The following IL10RA variants were observed in gnomAD, a reference collection of about 807,000 sequenced individuals.
IL10RA encodes the protein interleukin-10 receptor subunit alpha.
IL10RA carries 18 observed loss-of-function variants against 29.6 expected under a neutral mutation model. The observed-to-expected ratio is 0.61, with a 90% CI of 0.42 to 0.90. The LOEUF (loss-of-function observed/expected upper bound fraction) is 0.90, where lower values mean the gene tolerates loss of function less well. Ranked by LOEUF, IL10RA falls within the 40% of genes least tolerant of loss-of-function variation. The pLI, the probability that IL10RA is intolerant of heterozygous loss-of-function variation, is 0.00. For synonymous variants in IL10RA, 292 were observed against 294.1 expected (o/e 0.99, Z 0.07); for missense variants, 634 against 716.6 (o/e 0.88, Z 1.32).
rs2058051810 is a variant in IL10RA at position 117,995,702 on chromosome 11, A to C, written c.802A>C (p.Ser268Arg). The change falls in exon 6 of 7, where the codon AGT (serine) becomes CGT (arginine). Residue 268 changes from serine to arginine, a missense_variant. By Grantham distance (110) the Ser-to-Arg change is moderately radical (BLOSUM62 -1). Transcript: ENST00000227752. ...LYVRRRKKLP[S>R]VLLFKKPSPF... Reference sequence around the variant, plus strand: ...TGTGCGGCGCCGAAAGAAGCTACCCAGTGTCCTGGTGAGTCTTGCAAGGAG... The same window carrying C: ...TGTGCGGCGCCGAAAGAAGCTACCCCGTGTCCTGGTGAGTCTTGCAAGGAG... 1 of 1,613,368 alleles carries C rather than the reference A, an allele frequency of 6.2e-7. No homozygotes were observed.
rs4252291 is a variant in IL10RA, at chr11:117,999,748, T to C, written c.*107T>C. 56 of 1,030,452 alleles carry C rather than the reference T, an allele frequency of 5.4e-5. No homozygotes were observed. Among genetic ancestry groups the C allele is most frequent in the African/African-American group, 5.0e-4 (32 of 63,736 alleles). The allele number at this position is 1,030,452 out of a possible 1,614,324, so 63.8% of individuals were successfully genotyped here. A position where few individuals can be genotyped will look rare whatever the true frequency, so the allele number is the denominator to read the frequency against. On this transcript the variant is annotated 3_prime_UTR_variant, in exon 7 of 7. Transcript: ENST00000227752. ...TAGGCACGAGGCAGTCTGGGCACTT[T>C]TCTGCAAGTCCACTGGGGCTGGCCC...
At chr11:117,995,269 A>G (rs2058048390) in intron 5 of IL10RA, 2 of 402,028 alleles carry the variant, frequency 5.0e-6, no homozygotes, top group Admixed American at 3.6e-5. Context: ...ACCCAGATCT[A>G]GCAGCCCCCG....
At chr11:117,990,238 C>T (rs982047493) in intron 3 of IL10RA, among the ~76,000 whole-genome samples, 2 of 152,164 alleles carry the variant, frequency 1.3e-5, no homozygotes, top group African/African-American at 4.8e-5. Flanking sequence ...CCACAGGCCA[C>T]TGCTCAGCTG....
downstream of IL10RA, chr11:118,002,812 G>C (rs1227323918): frequency 6.6e-6 from 1 of 152,240 alleles, no homozygotes; most frequent in Non-Finnish European, 1.5e-5. Context: ...CGGGGCTGAT[G>C]AGACACTTGC....
Position 118,000,923 on chromosome 11 carries a change from T to C in IL10RA, c.*1282T>C, listed in dbSNP as rs1039059986. Reference sequence around the variant, plus strand: ...TGGGCCCTGCCTCCCCATAGGCCATTTGGACTCTGCCTTCAAACAAAGGCA... The same window carrying C: ...TGGGCCCTGCCTCCCCATAGGCCATCTGGACTCTGCCTTCAAACAAAGGCA... On this transcript the variant is annotated 3_prime_UTR_variant, in exon 7 of 7. Coordinates refer to ENST00000227752, the MANE Select transcript of IL10RA (RefSeq NM_001558.4). 4.4e-6 allele frequency: 2 copies of C among 454,112 alleles called. No individual in the cohort carries two copies. The highest frequency in any genetic ancestry group is 1.6e-5 in the South Asian group (1 of 64,484). The allele number at this position is 454,112 out of a possible 1,614,324, so 28.1% of individuals were successfully genotyped here.
At chr11:117,988,264 C>T (rs779573723) in intron 1 of IL10RA, 118 bp from the exon 2 acceptor site, 87 of 1,301,020 alleles carry the variant, frequency 6.7e-5, no homozygotes, top group South Asian at 3.0e-4. Context: ...CCCTTACGGG[C>T]TCCGCTGGCC....
chr11:117,989,685 A>G lies in IL10RA; in HGVS notation c.367+65A>G, dbSNP rs2058009929. The stretch of plus-strand genomic sequence containing the variant: ...CCCTTCCAGCCAGGAACTCTAGTCT[A>G]GAGCTTTTCTGTCTATTACCATAGC... On this transcript the variant is annotated intron_variant, in intron 3 of 6. Transcript: ENST00000227752. The surrounding 1 kb of genome is among the most constrained non-coding windows in gnomAD (Gnocchi z 4.5). 4.6e-6 allele frequency: 7 copies of G among 1,517,502 alleles called. No individual in the cohort carries two copies. The highest frequency in any genetic ancestry group is 1.1e-5 in the South Asian group (1 of 87,016). 94.0% of individuals were successfully genotyped at this position (1,517,502 alleles called of 1,614,324 possible).
intron 1 of IL10RA, 85 bp downstream of exon 1, chr11:117,986,619 G>A: frequency 3.2e-6 from 5 of 1,543,228 alleles, no homozygotes; most frequent in Non-Finnish European, 3.5e-6. Context: ...GAGAGCCCTG[G>A]CTGGCTGGCC....
intron 5 of IL10RA, 47 bp downstream of exon 5, chr11:117,994,196 G>A: frequency 6.3e-7 from 1 of 1,591,280 alleles, no homozygotes. Context: ...GACTGGGAGG[G>A]CCTGGTGCAA....
At chr11:118,002,860 AG>A, downstream of IL10RA, 1 of 152,234 alleles carries the variant, frequency 6.6e-6, no homozygotes. Context: ...CCCCAACAGA[AG>A]GCCCCAGCTG....
At chr11:117,994,330 G>C in intron 5 of IL10RA, 181 bp downstream of exon 5, 1 of 605,004 alleles carries the variant, frequency 1.7e-6, no homozygotes, top group Non-Finnish European at 2.9e-6. Flanking sequence ...GGGAACTGAG[G>C]CTCAGTATTA....
rs759457965 is a variant in IL10RA, at chr11:117,999,981, G to T, written c.*340G>T. Reference sequence around the variant, plus strand: ...ATTATTTGCTCAGGGGAACCATGGGGCTTTCTGGAGTTGTGGTGAGGCCAC... The same window carrying T: ...ATTATTTGCTCAGGGGAACCATGGGTCTTTCTGGAGTTGTGGTGAGGCCAC... On this transcript the variant is annotated 3_prime_UTR_variant, in exon 7 of 7. Transcript: ENST00000227752. The T allele has an allele frequency of 2.0e-5, 10 of 490,040 alleles. No individual in the cohort carries two copies. The highest frequency in any genetic ancestry group is 3.6e-5 in the Non-Finnish European group (9 of 251,222). 30.4% of individuals were successfully genotyped at this position (490,040 alleles called of 1,614,324 possible).
Position 117,999,724 on chromosome 11 carries a change from A to T in IL10RA, c.*83A>T, listed in dbSNP as rs1452382976. ...GAGGAGGGCCCCTGGGGCAGAAGTT[A>T]GGCACGAGGCAGTCTGGGCACTTTT... On this transcript the variant is annotated 3_prime_UTR_variant, in exon 7 of 7. Coordinates refer to ENST00000227752, the MANE Select transcript of IL10RA (RefSeq NM_001558.4). The T allele has an allele frequency of 7.9e-7, 1 of 1,269,044 alleles. No homozygotes were observed. 78.6% of individuals were successfully genotyped at this position (1,269,044 alleles called of 1,614,324 possible).
intron 1 of IL10RA, chr11:117,987,511 C>T (rs1565370274): frequency 6.5e-6 from 1 of 154,478 alleles, no homozygotes; most frequent in Admixed American, 6.4e-5. Context: ...ATGGAGAGAA[C>T]TTAGAGGATC....
chr11:117,986,845 G>A (rs1591260192), intron 1 of IL10RA: 1 of 1,459,492 alleles, frequency 6.9e-7, no homozygotes, highest in Non-Finnish European at 9.1e-7. Flanking sequence ...TTGCTGTTTA[G>A]GTTCAAATGA....
chr11:117,992,877 G>A lies in IL10RA; in HGVS notation c.368-364G>A. The A allele has an allele frequency of 1.4e-5, 4 of 276,748 alleles. No homozygotes were observed. The South Asian group carries it at 1.5e-4, about 11-fold the overall frequency. 17.1% of individuals were successfully genotyped at this position (276,748 alleles called of 1,614,324 possible). ...TTGTGTTGATTGTTGCGTAAGAGGT[G>A]AGACAAAGATCTATTTTCATTGTTC... On this transcript the variant is annotated intron_variant, in intron 3 of 6. Transcript: ENST00000227752.
At chr11:117,995,414 G>A in intron 5 of IL10RA, 175 bp from the exon 6 acceptor site, 1 of 747,086 alleles carries the variant, frequency 1.3e-6, no homozygotes, top group Non-Finnish European at 2.3e-6. Flanking sequence ...GGAAGGCCAG[G>A]TAGGGATTCG....
chr11:117,992,559 A>G (rs1391437422), intron 3 of IL10RA, among the ~76,000 whole-genome samples: 1 of 152,154 alleles, frequency 6.6e-6, no homozygotes, highest in African/African-American at 2.4e-5. Context: ...TCTTGTTATT[A>G]AGTAGTATGA....
chr11:118,002,603 G>T (rs1295370507), downstream of IL10RA: 1 of 152,286 alleles, frequency 6.6e-6, no homozygotes, highest in Non-Finnish European at 1.5e-5. Context: ...AGCCAGTTTG[G>T]TTGGATACGA....
Sources: gnomAD v4.1 joint callset for allele counts (sites outside exome capture counted in the v4.1 genomes callset) on GRCh38, gnomAD v4.1.1 for gene constraint, Gnocchi (gnomAD v3.1) non-coding constraint, MANE v1.5 for transcripts, NCBI Gene and HGNC (gene_info 2026-07-23, HGNC 2026-07-21) for gene names.